TENM3: variants seen among roughly 807,000 people sequenced by gnomAD.
TENM3 encodes the protein teneurin-3.
TENM3 carries 63 observed loss-of-function variants against 255.1 expected under a neutral mutation model. That is an observed-to-expected ratio of 0.25 (90% CI 0.20 to 0.30). TENM3 has a LOEUF of 0.30. Ranked by LOEUF, TENM3 falls within the 10% of genes least tolerant of loss-of-function variation. The pLI is 1.00. For synonymous variants in TENM3, 1,306 were observed against 1,322.3 expected (o/e 0.99, Z 0.27); for missense variants, 2,929 against 3,461.1 (o/e 0.85, Z 3.86).
At chr4:181,576,828 T>C in the TENM3 span, among the ~76,000 whole-genome samples, 117 of 143,394 alleles carry the variant, frequency 8.2e-4, no homozygotes, top group Non-Finnish European at 1.5e-3. Flanking sequence ...TTTTTTTTTT[T>C]TTGAGACGGA....
chr4:181,874,029 TG>T, the TENM3 span, among the ~76,000 whole-genome samples: 48 of 152,238 alleles, frequency 3.2e-4, no homozygotes, highest in East Asian at 8.5e-3. Flanking sequence ...GTGATTCGCC[TG>T]CCTTAGCCTC....
At chr4:182,569,106 A>G (rs1744083249) in intron 3 of TENM3, among the ~76,000 whole-genome samples, 1 of 152,220 alleles carries the variant, frequency 6.6e-6, no homozygotes, top group Non-Finnish European at 1.5e-5. Context: ...AAATTTGTCA[A>G]ACTGAACTCT....
chr4:181,465,395 C>T, the TENM3 span, among the ~76,000 whole-genome samples: 1 of 151,996 alleles, frequency 6.6e-6, no homozygotes, highest in African/African-American at 2.4e-5. Flanking sequence ...ATCAACCAAA[C>T]ATTTGATGCC....
the TENM3 span, among the ~76,000 whole-genome samples, chr4:181,998,026 G>A: frequency 1.3e-5 from 2 of 152,192 alleles, no homozygotes; most frequent in East Asian, 1.9e-4. Flanking sequence ...CCAAAAAAGA[G>A]ACAACTTGTT....
the TENM3 span, among the ~76,000 whole-genome samples, chr4:181,847,500 A>G: frequency 6.6e-6 from 1 of 152,064 alleles, no homozygotes; most frequent in African/African-American, 2.4e-5. Flanking sequence ...AATCCCCTTA[A>G]CAACGAAAAT....
At chr4:182,076,794 A>G in the TENM3 span, among the ~76,000 whole-genome samples, 1 of 152,150 alleles carries the variant, frequency 6.6e-6, no homozygotes, top group Admixed American at 6.5e-5. Context: ...GCAACTACTC[A>G]TCTGCTGAAA....
chr4:182,797,932 T>C (rs1416358196), intron 27 of TENM3, among the ~76,000 whole-genome samples: 2 of 152,198 alleles, frequency 1.3e-5, no homozygotes, highest in Non-Finnish European at 2.9e-5. Flanking sequence ...ATAAAAGCAA[T>C]TCCTTTTTCA....
chr4:181,767,060 G>A, the TENM3 span, among the ~76,000 whole-genome samples: 12 of 133,638 alleles, frequency 9.0e-5, no homozygotes, highest in Non-Finnish European at 8.0e-5. Context: ...AGACCATTCT[G>A]GCTAACAAGG....
At chr4:182,292,592 C>T (rs931167247) in intron 1 of TENM3, among the ~76,000 whole-genome samples, 1 of 152,198 alleles carries the variant, frequency 6.6e-6, no homozygotes, top group South Asian at 2.1e-4. Context: ...TTTGAGATCA[C>T]AGATCCGCAT....
the TENM3 span, among the ~76,000 whole-genome samples, chr4:181,537,200 A>G: frequency 6.6e-6 from 1 of 152,204 alleles, no homozygotes; most frequent in East Asian, 1.9e-4. Context: ...GGGAGTCTAC[A>G]CCTTTGACAT....
the TENM3 span, among the ~76,000 whole-genome samples, chr4:181,747,108 A>G: frequency 6.6e-6 from 1 of 152,144 alleles, no homozygotes; most frequent in Non-Finnish European, 1.5e-5. Flanking sequence ...TAATAAGATT[A>G]TGCAAATTTA....
chr4:182,363,682 T>C (rs761990900), intron 3 of TENM3, among the ~76,000 whole-genome samples: 18 of 151,924 alleles, frequency 1.2e-4, no homozygotes, highest in Non-Finnish European at 8.8e-5. Context: ...CCAAGAGAAA[T>C]AGAAATAGGC....
chr4:181,710,432 G>A, the TENM3 span, among the ~76,000 whole-genome samples: 4 of 152,108 alleles, frequency 2.6e-5, no homozygotes, highest in Non-Finnish European at 4.4e-5. Context: ...AAAGAAATGC[G>A]GTAGGCTGGG....
At chr4:182,730,429 T>C in intron 15 of TENM3, 110 bp downstream of exon 15, 1 of 1,237,048 alleles carries the variant, frequency 8.1e-7, no homozygotes, top group Non-Finnish European at 1.1e-6. Flanking sequence ...ATGCAGCAAC[T>C]TTTTAGACTC....
At chr4:182,162,662 C>T (rs1751434008) in intron 1 of TENM3, among the ~76,000 whole-genome samples, 1 of 152,152 alleles carries the variant, frequency 6.6e-6, no homozygotes, top group African/African-American at 2.4e-5. Context: ...AGTCCAAGAT[C>T]AAGGTGCTGG....
At position 182,796,758 on chromosome 4, in the gene TENM3, T is replaced by C. The variant is rs200218318; in HGVS notation, c.7335T>C (p.Asp2445=). The change falls in exon 27 of 28, where the codon GAT becomes GAC. Residue 2445 remains aspartate, a synonymous_variant. Coordinates refer to ENST00000511685, the MANE Select transcript of TENM3 (RefSeq NM_001080477.4). ...SYELVKSQQW[D]DIPPIFGVQQ... Reference sequence around the variant, plus strand: ...AACTTGTGAAGAGTCAGCAGTGGGATGATATACCGGTAAGAAACAAAAAGA... The same window carrying C: ...AACTTGTGAAGAGTCAGCAGTGGGACGATATACCGGTAAGAAACAAAAAGA... The C allele has an allele frequency of 3.4e-5, 55 of 1,607,120 alleles. No homozygotes were observed. The Admixed American group carries it at 5.4e-4, about 16-fold the overall frequency.
intron 1 of TENM3, among the ~76,000 whole-genome samples, chr4:182,255,686 G>T (rs1160307780): frequency 6.6e-6 from 1 of 152,138 alleles, no homozygotes; most frequent in Non-Finnish European, 1.5e-5. Context: ...ATTTTTTCCT[G>T]GGAGGTCACA....
the TENM3 span, among the ~76,000 whole-genome samples, chr4:182,121,152 G>A: frequency 2.0e-5 from 3 of 151,716 alleles, no homozygotes; most frequent in South Asian, 2.1e-4. Context: ...GCGCCCACAC[G>A]ACACCCGGCT....
chr4:182,497,331 G>A (rs1468315270), intron 3 of TENM3, among the ~76,000 whole-genome samples: 1 of 152,222 alleles, frequency 6.6e-6, no homozygotes, highest in African/African-American at 2.4e-5. Context: ...GATTACAGGC[G>A]TGAGCCACGG....
Sources: gnomAD v4.1 joint callset for allele counts (sites outside exome capture counted in the v4.1 genomes callset) on GRCh38, gnomAD v4.1.1 for gene constraint, MANE v1.5 for transcripts, NCBI Gene and HGNC (gene_info 2026-07-23, HGNC 2026-07-21) for gene names.